Variants in IL3RA observed in about 807,000 individuals in gnomAD.
The protein encoded by IL3RA is interleukin-3 receptor subunit alpha.
In IL3RA, 73 loss-of-function variants were observed where a neutral mutation model predicts 52.3. The ratio of observed to expected loss-of-function variants is 1.40; its 90% confidence interval spans 1.16 to 1.70. The LOEUF (loss-of-function observed/expected upper bound fraction) is 1.70. Among genes scored for constraint, IL3RA ranks in the 40% most tolerant of loss-of-function variants. The pLI is 0.00. For missense variants in IL3RA, 664 were observed against 504.4 expected (o/e 1.32, Z -3.03); for synonymous variants, 260 against 194.0 (o/e 1.34, Z -2.83).
chrX:1,345,252 C>A, intron 2 of IL3RA, 64 bp from the exon 3 acceptor site: 2 of 1,020,630 alleles, frequency 2.0e-6, no homozygotes, highest in East Asian at 2.5e-5. Context: ...AAAACCATAC[C>A]CCTTACAATG....
intron 4 of IL3RA, among the ~76,000 whole-genome samples, chrX:1,349,346 T>G (rs1419646896): frequency 4.6e-5 from 7 of 151,776 alleles, no homozygotes; most frequent in Admixed American, 6.6e-5. Context: ...CACGCCCAGC[T>G]AATTCTTGTA....
chrX:1,352,062 G>T, intron 4 of IL3RA, 38 bp from the exon 5 acceptor site: 1 of 1,609,180 alleles, frequency 6.2e-7, no homozygotes, highest in Non-Finnish European at 8.5e-7. Flanking sequence ...ACCGCGCCCG[G>T]TCCCGATTCG....
chrX:1,377,351 C>A (rs2149206886), intron 9 of IL3RA, among the ~76,000 whole-genome samples: 1 of 151,818 alleles, frequency 6.6e-6, no homozygotes, highest in East Asian at 2.0e-4. Context: ...GGCCATTCTC[C>A]TGCCTCAGCC....
chrX:1,348,663 TTTCTTTC>T lies in IL3RA; in HGVS notation c.298+121_298+127del, dbSNP rs1399517555. ...CTTTTTCTCTTTCTTTCTTTCTTTC[TTTCTTTC>T]TTTCTTTCTTTCTTTCTTTCTTTTT... On this transcript the variant is annotated intron_variant, in intron 4 of 11. Transcript: ENST00000331035. The T allele has an allele frequency of 4.2e-4, 189 of 450,034 alleles. 5 individuals are homozygous for T. In the South Asian group the frequency reaches 5.0e-3, roughly 12 times the overall value. 27.9% of individuals were successfully genotyped at this position (450,034 alleles called of 1,614,324 possible).
At position 1,361,739 on chromosome X, in the gene IL3RA, T is replaced by C. The variant is rs377409181; in HGVS notation, c.759+2852T>C. ...CTGCACTCCAGCCTGGGTGACAGAGTGAGACTCCGTCTCGAGAAAAAAAAA... is the reference window on the plus strand; with the variant it reads ...CTGCACTCCAGCCTGGGTGACAGAGCGAGACTCCGTCTCGAGAAAAAAAAA... On this transcript the variant is annotated intron_variant, in intron 8 of 11. Coordinates refer to ENST00000331035, the MANE Select transcript of IL3RA (RefSeq NM_002183.4). Among the ~76,000 whole-genome samples the C allele has an allele frequency of 1.2e-4, 14 of 114,526 alleles. No individual in the cohort carries two copies. In the South Asian group the frequency reaches 1.9e-3, roughly 16 times the overall value. The allele number at this position is 114,526 out of a possible 152,430, so 75.1% of individuals were successfully genotyped here. A position where few individuals can be genotyped will look rare whatever the true frequency, so the allele number is the denominator to read the frequency against.
At chrX:1,345,576 A>G (rs1427709114) in intron 3 of IL3RA, 142 bp downstream of exon 3, 44 of 465,706 alleles carry the variant, frequency 9.4e-5, no homozygotes, top group African/African-American at 6.8e-4. Flanking sequence ...TGCAACCTCC[A>G]CCTCCCAGGT....
At chrX:1,343,846 A>G (rs1392303087) in intron 2 of IL3RA, among the ~76,000 whole-genome samples, 2 of 140,538 alleles carry the variant, frequency 1.4e-5, no homozygotes, top group Non-Finnish European at 1.5e-5. Context: ...CCCAGGCTGG[A>G]GTGCAGTGGC....
At chrX:1,356,432 C>T in intron 7 of IL3RA, 96 bp downstream of exon 7, 2 of 705,508 alleles carry the variant, frequency 2.8e-6, no homozygotes, top group East Asian at 2.7e-5. Context: ...GCAACAATCT[C>T]CTCTGATAAC....
intron 9 of IL3RA, among the ~76,000 whole-genome samples, chrX:1,366,224 CGCGGGGTGA>C (rs1469249972): frequency 7.4e-5 from 1 of 13,524 alleles, no homozygotes; most frequent in East Asian, 1.5e-3. Flanking sequence ...GAGCGGGGTG[CGCGGGGTGA>C]GCGGGGTGCG....
chrX:1,367,907 A>C (rs867267161), intron 9 of IL3RA, among the ~76,000 whole-genome samples: 4 of 139,222 alleles, frequency 2.9e-5, no homozygotes, highest in African/African-American at 1.4e-4. Flanking sequence ...CTGTGACCCC[A>C]AAAAGGACCC....
chrX:1,359,711 TCTCC>T (rs2087031708), intron 8 of IL3RA, among the ~76,000 whole-genome samples: 1 of 150,270 alleles, frequency 6.7e-6, no homozygotes, highest in South Asian at 2.1e-4. Context: ...TCCATCTCTC[TCTCC>T]CTGTCTCTCT....
chrX:1,377,441 C>G (rs2088845409), intron 9 of IL3RA, among the ~76,000 whole-genome samples: 1 of 151,924 alleles, frequency 6.6e-6, no homozygotes, highest in Non-Finnish European at 1.5e-5. Flanking sequence ...GGCTTTCTGG[C>G]CATGTTGGCC....
In IL3RA at chrX:1,347,230, G is replaced by C. The variant is rs1456726498; in HGVS notation, c.184-1201G>C. Among the ~76,000 whole-genome samples, 119 of 150,746 alleles carry C rather than the reference G, an allele frequency of 7.9e-4. 1 individual carries two copies. The highest frequency in any genetic ancestry group is 3.4e-4 in the Non-Finnish European group (23 of 67,886). On this transcript the variant is annotated intron_variant, in intron 3 of 11. Coordinates refer to ENST00000331035, the MANE Select transcript of IL3RA (RefSeq NM_002183.4). ...GGAGGCCGAGGCGGGTGGATCACGA[G>C]GTCAGGAGATCGAGACCCTCCTGGC...
intron 8 of IL3RA, among the ~76,000 whole-genome samples, chrX:1,359,520 C>G (rs1185715296): frequency 6.7e-6 from 1 of 148,898 alleles, no homozygotes; most frequent in African/African-American, 2.5e-5. Flanking sequence ...CTCTCTGTAT[C>G]TCCCTCCCTT....
rs2085511992 is a variant in IL3RA at position 1,341,912 on chromosome X, A to G, written c.64+83A>G. The G allele has an allele frequency of 3.5e-6, 5 of 1,447,668 alleles. No homozygotes were observed. The African/African-American group carries it at 5.5e-5, about 16-fold the overall frequency. The allele number at this position is 1,447,668 out of a possible 1,614,324, so 89.7% of individuals were successfully genotyped here. On this transcript the variant is annotated intron_variant, in intron 2 of 11. Coordinates refer to ENST00000331035, the MANE Select transcript of IL3RA (RefSeq NM_002183.4). ...ACACAATGTCAGCGTGCCGTCCTTCAGGGAAACTTTTCATGCTGAGCTCAT... is the reference window on the plus strand; with the variant it reads ...ACACAATGTCAGCGTGCCGTCCTTCGGGGAAACTTTTCATGCTGAGCTCAT...
intron 2 of IL3RA, among the ~76,000 whole-genome samples, chrX:1,343,253 C>G (rs1451978338): frequency 1.1e-4 from 17 of 152,050 alleles, no homozygotes; most frequent in African/African-American, 3.9e-4. Context: ...ACTCAAGATC[C>G]TTACAGTTTA....
chrX:1,373,917 G>C (rs1399455307), intron 9 of IL3RA, among the ~76,000 whole-genome samples: 2 of 51,548 alleles, frequency 3.9e-5, no homozygotes, highest in Non-Finnish European at 6.2e-5. Context: ...CTGGATCTCA[G>C]ACCTCCAGCC....
At chrX:1,348,578 T>C (rs1364828145) in intron 4 of IL3RA, 33 bp downstream of exon 4, 5 of 1,504,484 alleles carry the variant, frequency 3.3e-6, no homozygotes, top group African/African-American at 2.7e-5. Context: ...GTTTATTCTC[T>C]ATTCCCTCCC....
rs1353128038 is a variant in IL3RA, at chrX:1,362,552, CCT to C, written c.760-2581_760-2580del. ...TTTCTCTCTCCCTCTCTCTGTCTCC[CCT>C]CTCTGTGTCTCTTTGTATCTCTTTC... is the stretch of plus-strand genomic sequence containing the variant. On this transcript the variant is annotated intron_variant, in intron 8 of 11. Coordinates refer to ENST00000331035, the MANE Select transcript of IL3RA (RefSeq NM_002183.4). Among the ~76,000 whole-genome samples, 8 of 151,834 alleles carry C rather than the reference CCT, an allele frequency of 5.3e-5. No individual in the cohort carries two copies. In the South Asian group the frequency reaches 6.2e-4, roughly 12 times the overall value.
Sources: gnomAD v4.1 joint callset for allele counts (sites outside exome capture counted in the v4.1 genomes callset) on GRCh38, gnomAD v4.1.1 for gene constraint, MANE v1.5 for transcripts, NCBI Gene and HGNC (gene_info 2026-07-23, HGNC 2026-07-21) for gene names.